KCNH8: variants seen among roughly 807,000 people sequenced by gnomAD.
KCNH8 encodes potassium voltage-gated channel subfamily H member 8.
Under a neutral mutation model 103.6 loss-of-function variants are expected in KCNH8, and 70 were observed. The observed-to-expected ratio is 0.68, with a 90% CI of 0.56 to 0.82. The LOEUF (loss-of-function observed/expected upper bound fraction) is 0.82, where lower values mean the gene tolerates loss of function less well. Among genes scored for constraint, KCNH8 ranks in the 40% least tolerant of loss-of-function variants. The probability of loss-of-function intolerance (pLI) is 0.00; values close to 1 mark genes in which losing one functional copy is unlikely to be tolerated. For synonymous variants in KCNH8, 498 were observed against 489.4 expected, an observed-to-expected ratio of 1.02 and a Z score of -0.23; for missense variants, 1,217 against 1,329.9, an observed-to-expected ratio of 0.92 and a Z score of 1.32.
intron 11 of KCNH8, among the ~76,000 whole-genome samples, chr3:19,485,619 C>A (rs2068189404): frequency 6.6e-6 from 1 of 152,148 alleles, no homozygotes; most frequent in Admixed American, 6.5e-5. Flanking sequence ...TTATTACTTG[C>A]CCCCTTTCTG....
In KCNH8 at chr3:19,424,906, A is replaced by T. The variant is rs959133785; in HGVS notation, c.1178-13258A>T. Among the ~76,000 whole-genome samples the T allele has an allele frequency of 4.6e-5, 7 of 152,294 alleles. No homozygotes were observed. The South Asian group carries it at 1.4e-3, about 32-fold the overall frequency. ...AATTTTTGCATTATGAGTATTTCAAAATAAAGTTGAACGAACTCCCTGATT... is the reference window on the plus strand; with the variant it reads ...AATTTTTGCATTATGAGTATTTCAATATAAAGTTGAACGAACTCCCTGATT... On this transcript the variant is annotated intron_variant, in intron 7 of 15. Transcript: ENST00000328405.
chr3:19,269,933 G>C (rs1253625512), intron 2 of KCNH8, among the ~76,000 whole-genome samples: 1 of 152,136 alleles, frequency 6.6e-6, no homozygotes, highest in Non-Finnish European at 1.5e-5. Context: ...ACACCACTAT[G>C]ACATAGTCTA....
chr3:19,249,439 G>A (rs976024250), intron 1 of KCNH8, among the ~76,000 whole-genome samples: 2 of 152,150 alleles, frequency 1.3e-5, no homozygotes, highest in Non-Finnish European at 2.9e-5. Flanking sequence ...AAACAGAAAA[G>A]ACCAAATACG....
chr3:19,166,487 C>G lies in KCNH8; in HGVS notation c.76+17692C>G, dbSNP rs887437799. Among the ~76,000 whole-genome samples the G allele has an allele frequency of 5.9e-5, 9 of 152,266 alleles. No individual in the cohort carries two copies. In the South Asian group the frequency reaches 1.5e-3, roughly 25 times the overall value. ...TGGCAGTCAACTCAATCCTGTTGAT[C>G]AGTGTATGCTTTGTCCCCAGCATTG... On this transcript the variant is annotated intron_variant, in intron 1 of 15. Coordinates refer to ENST00000328405, the MANE Select transcript of KCNH8 (RefSeq NM_144633.3).
intron 3 of KCNH8, among the ~76,000 whole-genome samples, chr3:19,327,341 G>A (rs959250219): frequency 6.6e-6 from 1 of 152,202 alleles, no homozygotes; most frequent in East Asian, 1.9e-4. Context: ...ACCCAGACGA[G>A]TGCAGTGGTG....
At chr3:19,364,283 A>G (rs982508203) in intron 5 of KCNH8, among the ~76,000 whole-genome samples, 1 of 152,026 alleles carries the variant, frequency 6.6e-6, no homozygotes, top group Admixed American at 6.6e-5. Context: ...CCTTCCAGTT[A>G]TTCTGTTTAG....
intron 3 of KCNH8, among the ~76,000 whole-genome samples, chr3:19,328,224 T>C (rs969524393): frequency 6.6e-6 from 1 of 152,220 alleles, no homozygotes; most frequent in Admixed American, 6.5e-5. Context: ...GTTTGCCATG[T>C]TATTGCTACT....
intron 5 of KCNH8, among the ~76,000 whole-genome samples, chr3:19,373,259 T>C (rs1489049845): frequency 2.6e-5 from 4 of 152,156 alleles, no homozygotes; most frequent in Non-Finnish European, 4.4e-5. Context: ...TTTTGGTTGG[T>C]AAGCTATTGA....
chr3:19,216,078 A>G (rs1211336352), intron 1 of KCNH8, among the ~76,000 whole-genome samples: 1 of 152,212 alleles, frequency 6.6e-6, no homozygotes, highest in African/African-American at 2.4e-5. Flanking sequence ...TCCTCTGGTA[A>G]TTTGAATAAG....
At chr3:19,247,442 T>C in intron 1 of KCNH8, among the ~76,000 whole-genome samples, 1 of 152,228 alleles carries the variant, frequency 6.6e-6, no homozygotes, top group Admixed American at 6.5e-5. Flanking sequence ...CTGTGTTCAA[T>C]ATCACAAGGG....
chr3:19,286,476 C>T (rs1324261270), intron 3 of KCNH8, among the ~76,000 whole-genome samples: 1 of 152,142 alleles, frequency 6.6e-6, no homozygotes, highest in Non-Finnish European at 1.5e-5. Flanking sequence ...CCAAACCAAC[C>T]TTAATCTTGA....
At chr3:19,356,245 C>T (rs919807747) in intron 5 of KCNH8, among the ~76,000 whole-genome samples, 10 of 151,950 alleles carry the variant, frequency 6.6e-5, no homozygotes, top group African/African-American at 2.4e-4. Flanking sequence ...TGTAGGTCTT[C>T]TGAGAAATTT....
At chr3:19,293,327 C>T (rs1037716106) in intron 3 of KCNH8, among the ~76,000 whole-genome samples, 4 of 152,168 alleles carry the variant, frequency 2.6e-5, no homozygotes, top group Non-Finnish European at 4.4e-5. Flanking sequence ...GGCTTATCTC[C>T]GTTTCTTCCC....
At chr3:19,158,004 CTAT>C (rs756848007) in intron 1 of KCNH8, among the ~76,000 whole-genome samples, 47 of 151,302 alleles carry the variant, frequency 3.1e-4, no homozygotes, top group Non-Finnish European at 5.2e-4. Context: ...TTTGAAATTA[CTAT>C]TATTATTATT....
intron 1 of KCNH8, among the ~76,000 whole-genome samples, chr3:19,230,313 C>A (rs1453114908): frequency 1.3e-5 from 2 of 152,238 alleles, no homozygotes; most frequent in East Asian, 3.9e-4. Context: ...AAATCTTATT[C>A]CAAGTTTGTA....
chr3:19,469,783 A>T (rs1454245525), intron 11 of KCNH8, among the ~76,000 whole-genome samples: 1 of 152,118 alleles, frequency 6.6e-6, no homozygotes, highest in African/African-American at 2.4e-5. Flanking sequence ...GCACCTGTTA[A>T]TACATCCTAG....
At chr3:19,260,673 GTCT>G (rs1281414452) in intron 2 of KCNH8, among the ~76,000 whole-genome samples, 2 of 148,826 alleles carry the variant, frequency 1.3e-5, no homozygotes, top group African/African-American at 2.4e-5. Context: ...ATTAACTATA[GTCT>G]TCTTCTTGTT....
chr3:19,304,316 A>T (rs1006111090), intron 3 of KCNH8, among the ~76,000 whole-genome samples: 1 of 152,184 alleles, frequency 6.6e-6, no homozygotes, highest in Non-Finnish European at 1.5e-5. Context: ...CTTCAGTCTT[A>T]AATATGAGCA....
intron 5 of KCNH8, among the ~76,000 whole-genome samples, chr3:19,372,131 T>A (rs1299628541): frequency 6.6e-6 from 1 of 152,090 alleles, no homozygotes; most frequent in Non-Finnish European, 1.5e-5. Flanking sequence ...TAAAGTAGTT[T>A]TTTCCAATTC....
Sources: allele counts gnomAD v4.1 joint callset (sites outside exome capture counted in the v4.1 genomes callset), GRCh38; gene constraint gnomAD v4.1.1; transcripts MANE v1.5; gene names NCBI Gene and HGNC (gene_info 2026-07-23, HGNC 2026-07-21).